The following ATXN1 variants were observed in gnomAD, a reference collection of about 807,000 sequenced individuals.
ATXN1 encodes ataxin 1.
In ATXN1, 8 loss-of-function variants were observed where a neutral mutation model predicts 56.4. The ratio of observed to expected loss-of-function variants is 0.14; its 90% CI spans 0.08 to 0.26. ATXN1 has a LOEUF of 0.26. ATXN1 is among the 10% of genes least tolerant of loss of function. The probability of loss-of-function intolerance (pLI) is 1.00; values close to 1 mark genes in which losing one functional copy is unlikely to be tolerated. For synonymous variants in ATXN1, 514 were observed against 494.6 expected (o/e 1.04, Z -0.52); for missense variants, 987 against 1,106.5 (o/e 0.89, Z 1.53).
At chr6:16,540,646 A>T (rs529405026) in intron 4 of ATXN1, among the ~76,000 whole-genome samples, 8 of 152,342 alleles carry the variant, frequency 5.3e-5, no homozygotes, top group African/African-American at 1.9e-4. Context: ...GTTGGGATTC[A>T]AAGCCAAGGA....
In ATXN1 at chr6:16,324,366, G is replaced by A. The variant is rs138110677; in HGVS notation, c.1917+2028C>T. On this transcript the variant is annotated intron_variant, in intron 7 of 7. Transcript: ENST00000436367. ...CTAGGGAGGTTGGGGTGGGAGGATC[G>A]CTGGAGCCTAGGAGGTCAAGGCCAC... Among the ~76,000 whole-genome samples the A allele has an allele frequency of 6.8e-3, 1,028 of 151,912 alleles. 10 individuals carry two copies. The highest frequency in any genetic ancestry group is 0.023 in the African/African-American group (965 of 41,418).
At chr6:16,476,528 A>AAAAAAAC (rs1200533537) in intron 6 of ATXN1, among the ~76,000 whole-genome samples, 3 of 152,032 alleles carry the variant, frequency 2.0e-5, no homozygotes, top group Non-Finnish European at 4.4e-5. Flanking sequence ...TAATCCAAAA[A>AAAAAAAC]AAAAAACAAA....
At chr6:16,563,832 T>A (rs993374114) in intron 4 of ATXN1, among the ~76,000 whole-genome samples, 1 of 152,156 alleles carries the variant, frequency 6.6e-6, no homozygotes, top group Non-Finnish European at 1.5e-5. Context: ...AAGTATTTCA[T>A]CATCTTTTTG....
chr6:16,722,589 G>A (rs368621353), intron 2 of ATXN1, among the ~76,000 whole-genome samples: 2 of 152,162 alleles, frequency 1.3e-5, no homozygotes, highest in Admixed American at 6.5e-5. Context: ...GTATATGAGC[G>A]CAAAACTCAC....
In ATXN1 at chr6:16,326,716, T is replaced by A. The variant is rs753637694; in HGVS notation, c.1595A>T (p.Asn532Ile). 10 of 1,613,436 alleles carry A rather than the reference T, an allele frequency of 6.2e-6. No homozygotes were observed. In the South Asian group the frequency reaches 1.1e-4, roughly 18 times the overall value. Residue 532 changes from asparagine to isoleucine, a missense_variant, in exon 7 of 8, where the codon AAC (asparagine) becomes ATC (isoleucine). Coordinates refer to ENST00000436367, the MANE Select transcript of ATXN1 (RefSeq NM_001128164.2). This position sits in a 1 kb window ranked among gnomAD's most constrained non-coding sequence, Gnocchi z 6.6. ...GGTGACCAGGGCCTCAGGGTTGAAGTTCTCGCTCTTGGGAAGGGCGGTGGT... is the reference window on the plus strand; with the variant it reads ...GGTGACCAGGGCCTCAGGGTTGAAGATCTCGCTCTTGGGAAGGGCGGTGGT... ...FVTTALPKSE[N>I]FNPEALVTQA...
chr6:16,320,592 C>T lies in ATXN1; in HGVS notation c.1917+5802G>A, dbSNP rs73724831. ...AGAAGGATGGGATAATATAGAACGC[C>T]GCCAGATGGAAGCCAAAGGCTCCCC... On this transcript the variant is annotated intron_variant, in intron 7 of 7. Coordinates refer to ENST00000436367, the MANE Select transcript of ATXN1 (RefSeq NM_001128164.2). Among the ~76,000 whole-genome samples, 1,141 of 152,370 alleles carry T rather than the reference C, an allele frequency of 7.5e-3. 16 individuals carry two copies. The highest frequency in any genetic ancestry group is 0.026 in the African/African-American group (1,101 of 41,602).
At chr6:16,503,810 T>C (rs1383324575) in intron 5 of ATXN1, among the ~76,000 whole-genome samples, 1 of 152,138 alleles carries the variant, frequency 6.6e-6, no homozygotes, top group East Asian at 1.9e-4. Flanking sequence ...ATATTACATA[T>C]ATACTTCTAA....
intron 6 of ATXN1, among the ~76,000 whole-genome samples, chr6:16,475,782 T>C (rs1489535605): frequency 2.0e-5 from 3 of 151,928 alleles, no homozygotes; most frequent in Admixed American, 1.3e-4. Context: ...AGGGCAGGGA[T>C]GGGAAGAGAA....
Position 16,305,810 on chromosome 6 carries a change from A to G in ATXN1, c.*519T>C, listed in dbSNP as rs559532856. ...CCCTGAAGCTGGGTTCCTGATGTTGATTTTGCACGTGGGAACCCCAGGAGG... is the reference window on the plus strand; with the variant it reads ...CCCTGAAGCTGGGTTCCTGATGTTGGTTTTGCACGTGGGAACCCCAGGAGG... On this transcript the variant is annotated 3_prime_UTR_variant, in exon 8 of 8. Coordinates refer to ENST00000436367, the MANE Select transcript of ATXN1 (RefSeq NM_001128164.2). 6.6e-6 allele frequency: 1 copy of G among 152,588 alleles called. No homozygotes were observed. Among genetic ancestry groups the G allele is most frequent in the African/African-American group, 2.4e-5 (1 of 41,574 alleles). 9.5% of individuals were successfully genotyped at this position (152,588 alleles called of 1,614,324 possible).
intron 3 of ATXN1, among the ~76,000 whole-genome samples, chr6:16,642,734 C>T (rs957540603): frequency 1.3e-5 from 2 of 152,148 alleles, no homozygotes; most frequent in African/African-American, 4.8e-5. Flanking sequence ...CAGCCATCAA[C>T]GTAAAGACCC....
chr6:16,377,482 T>C (rs1010615424), intron 6 of ATXN1, among the ~76,000 whole-genome samples: 1 of 152,238 alleles, frequency 6.6e-6, no homozygotes, highest in South Asian at 2.1e-4. Context: ...TCATGGGTCA[T>C]ACAGGTTATA....
intron 4 of ATXN1, among the ~76,000 whole-genome samples, chr6:16,583,015 C>T (rs1762555915): frequency 1.3e-5 from 2 of 152,140 alleles, no homozygotes; most frequent in African/African-American, 4.8e-5. Flanking sequence ...ATTTGTTGTC[C>T]TCTCTCCCTC....
chr6:16,627,858 G>A (rs917690961), intron 3 of ATXN1, among the ~76,000 whole-genome samples: 11 of 152,180 alleles, frequency 7.2e-5, no homozygotes, highest in African/African-American at 2.2e-4. Flanking sequence ...TGAGCAATAA[G>A]TCGAAGCAAC....
At chr6:16,565,748 A>G (rs928822201) in intron 4 of ATXN1, among the ~76,000 whole-genome samples, 2 of 152,212 alleles carry the variant, frequency 1.3e-5, no homozygotes, top group Non-Finnish European at 2.9e-5. Context: ...TAGGGTTAAT[A>G]AAGTCTCTTT....
intron 6 of ATXN1, among the ~76,000 whole-genome samples, chr6:16,331,008 G>A (rs1760977087): frequency 6.7e-6 from 1 of 149,152 alleles, no homozygotes; most frequent in African/African-American, 2.5e-5. Context: ...CAACCCAGGT[G>A]TTTTTTTTTT....
intron 4 of ATXN1, among the ~76,000 whole-genome samples, chr6:16,533,176 C>T (rs1333000725): frequency 1.3e-5 from 2 of 152,110 alleles, no homozygotes; most frequent in Non-Finnish European, 2.9e-5. Context: ...TGCCACTGAA[C>T]TGTACACTTA....
chr6:16,443,208 C>CAAAAAAAAAAAAAAAAAAAAAAAAAAAA (rs70999325), intron 6 of ATXN1, among the ~76,000 whole-genome samples: 1 of 40,776 alleles, frequency 2.5e-5, no homozygotes, highest in Non-Finnish European at 4.2e-5. Context: ...TCTATTGGAG[C>CAAAAAAAAAAAAAAAAAAAAAAAAAAAA]AAAAAAAAAA....
intron 2 of ATXN1, among the ~76,000 whole-genome samples, chr6:16,751,473 T>A (rs898412472): frequency 1.3e-5 from 2 of 152,220 alleles, no homozygotes; most frequent in Non-Finnish European, 2.9e-5. Context: ...GGGACTTTTT[T>A]GGCTGTTTTT....
chr6:16,722,559 A>G (rs1355210267), intron 2 of ATXN1, among the ~76,000 whole-genome samples: 1 of 152,190 alleles, frequency 6.6e-6, no homozygotes, highest in Non-Finnish European at 1.5e-5. Flanking sequence ...CCATCTCACT[A>G]TCGCTTTTCT....
Sources: allele counts gnomAD v4.1 joint callset (sites outside exome capture counted in the v4.1 genomes callset), GRCh38; gene constraint gnomAD v4.1.1; non-coding constraint Gnocchi (gnomAD v3.1); transcripts MANE v1.5; gene names NCBI Gene and HGNC (gene_info 2026-07-23, HGNC 2026-07-21).